Variants in ADAP1 observed in about 807,000 individuals in gnomAD.
ADAP1 encodes the protein arf-GAP with dual PH domain-containing protein 1.
ADAP1 carries 31 observed loss-of-function variants against 54.9 expected under a neutral mutation model. The ratio of observed to expected loss-of-function variants is 0.56; its 90% CI spans 0.42 to 0.76. The LOEUF (loss-of-function observed/expected upper bound fraction) is 0.76. ADAP1 is among the 30% of genes least tolerant of loss of function. The pLI, the probability that ADAP1 is intolerant of heterozygous loss-of-function variation, is 0.00. For synonymous variants in ADAP1, 313 were observed against 202.6 expected, an observed-to-expected ratio of 1.55 and a Z score of -4.63; for missense variants, 535 against 512.4, an observed-to-expected ratio of 1.04 and a Z score of -0.42.
At chr7:924,094 G>C in intron 3 of ADAP1, among the ~76,000 whole-genome samples, 2 of 36,674 alleles carry the variant, frequency 5.5e-5, no homozygotes, top group Non-Finnish European at 5.2e-5. Flanking sequence ...TGCACCCCCC[G>C]CCCTCCGGGT....
At position 909,404 on chromosome 7, in the gene ADAP1, ACAGCAGGCGCCAGCGGGAACCCCGGT is replaced by A. The variant is rs1252010472; in HGVS notation, c.389-4258_389-4233del. ...GCCAGCGGGAACCCCGGTCCTCCCG[ACAGCAGGCGCCAGCGGGAACCCCGGT>A]CCTCCCGACAGCAGGCGCCAGGACG... On this transcript the variant is annotated intron_variant, in intron 4 of 10. Coordinates refer to ENST00000265846, the MANE Select transcript of ADAP1 (RefSeq NM_006869.4). Among the ~76,000 whole-genome samples the A allele has an allele frequency of 6.6e-4, 89 of 135,422 alleles. 4 individuals carry two copies. Among genetic ancestry groups the A allele is most frequent in the African/African-American group, 6.6e-4 (21 of 32,056 alleles). The allele number at this position is 135,422 out of a possible 152,430, so 88.8% of individuals were successfully genotyped here.
intron 3 of ADAP1, among the ~76,000 whole-genome samples, chr7:925,209 G>A (rs569242642): frequency 2.0e-4 from 31 of 152,080 alleles, no homozygotes; most frequent in Non-Finnish European, 5.9e-5. Flanking sequence ...CTCGTGGCCT[G>A]AACACACCTC....
Position 898,656 on chromosome 7 carries a change from C to CTGGGTGAGGAAAGGGGG in ADAP1, c.*264_*265insCCCCCTTTCCTCACCCA, listed in dbSNP as rs1844623154. The stretch of plus-strand genomic sequence containing the variant: ...ACTGGGCCCTGGAGGAAAGGGGGCC[C>CTGGGTGAGGAAAGGGGG]CGGGTCAGGGAGGGGCAGGTTGGCT... On this transcript the variant is annotated 3_prime_UTR_variant, in exon 11 of 11. Transcript: ENST00000265846. 1 of 541,980 alleles carries CTGGGTGAGGAAAGGGGG rather than the reference C, an allele frequency of 1.8e-6. No homozygotes were observed. The highest frequency in any genetic ancestry group is 3.1e-5 in the Admixed American group (1 of 31,774). 33.6% of individuals were successfully genotyped at this position (541,980 alleles called of 1,614,324 possible).
chr7:908,999 C>T (rs947769514), intron 4 of ADAP1, among the ~76,000 whole-genome samples: 4 of 152,080 alleles, frequency 2.6e-5, no homozygotes, highest in Admixed American at 2.0e-4. Context: ...ATGCCCGCCG[C>T]GCCCAGCAGG....
chr7:929,011 C>T (rs573013359), intron 2 of ADAP1, among the ~76,000 whole-genome samples: 40 of 152,302 alleles, frequency 2.6e-4, no homozygotes, highest in African/African-American at 6.3e-4. Flanking sequence ...AGAGGAATGC[C>T]GGCCGGGCGC....
chr7:909,328 T>A (rs11984202), intron 4 of ADAP1, among the ~76,000 whole-genome samples: 4 of 46,250 alleles, frequency 8.6e-5, no homozygotes, highest in Non-Finnish European at 1.1e-4. Context: ...GGAACCCCGG[T>A]CCTCCCGACA....
At chr7:904,701 T>A (rs1420806606) in intron 5 of ADAP1, among the ~76,000 whole-genome samples, 1 of 152,344 alleles carries the variant, frequency 6.6e-6, no homozygotes, top group East Asian at 1.9e-4. Context: ...GTGTTTGTCC[T>A]GTCCCAGTCC....
At chr7:902,716 A>G (rs571442347) in intron 6 of ADAP1, among the ~76,000 whole-genome samples, 1 of 152,144 alleles carries the variant, frequency 6.6e-6, no homozygotes, top group East Asian at 2.0e-4. Flanking sequence ...GACCTCATGG[A>G]AACCAGTAAC....
At position 926,239 on chromosome 7, in the gene ADAP1, C is replaced by A. The variant is rs987580371; in HGVS notation, c.305+314G>T. Among the ~76,000 whole-genome samples the A allele has an allele frequency of 4.0e-5, 6 of 151,664 alleles. No homozygotes were observed. Among genetic ancestry groups the A allele is most frequent in the African/African-American group, 1.5e-4 (6 of 41,278 alleles). On this transcript the variant is annotated intron_variant, in intron 3 of 10. Coordinates refer to ENST00000265846, the MANE Select transcript of ADAP1 (RefSeq NM_006869.4). The surrounding 1 kb of genome is among the most constrained non-coding windows in gnomAD (Gnocchi z 4.6). ...CGCCCCTCCCGTTCCCCTCCCAGAC[C>A]GCCAGGAGCACCTGGGAGGGCCCCT... is the stretch of plus-strand genomic sequence containing the variant.
At chr7:921,768 C>T (rs912014938) in intron 3 of ADAP1, among the ~76,000 whole-genome samples, 1 of 152,230 alleles carries the variant, frequency 6.6e-6, no homozygotes, top group Non-Finnish European at 1.5e-5. Flanking sequence ...CCCAGGGTCA[C>T]ACAGCGGCCT....
At chr7:934,527 A>C (rs1846686225) in intron 2 of ADAP1, among the ~76,000 whole-genome samples, 1 of 152,018 alleles carries the variant, frequency 6.6e-6, no homozygotes, top group African/African-American at 2.4e-5. Flanking sequence ...GGTCCCACTC[A>C]CAGCAGTCAG....
At chr7:904,918 G>A (rs1218930361) in intron 5 of ADAP1, 142 bp downstream of exon 5, 45 of 726,246 alleles carry the variant, frequency 6.2e-5, no homozygotes, top group Non-Finnish European at 6.1e-5. Context: ...CCCAACACAG[G>A]CCGGTTCTCC....
rs1044957230 is a variant in ADAP1 at position 897,906 on chromosome 7, C to G, written c.*1015G>C. On this transcript the variant is annotated 3_prime_UTR_variant, in exon 11 of 11. Coordinates refer to ENST00000265846, the MANE Select transcript of ADAP1 (RefSeq NM_006869.4). ...CCATCCTCGGACACACAGCTGGAAC[C>G]ATGCCAGAGCCACATTTTATTCCAG... is the stretch of plus-strand genomic sequence containing the variant. The G allele has an allele frequency of 6.6e-6, 1 of 152,254 alleles. No individual in the cohort carries two copies. The highest frequency in any genetic ancestry group is 1.5e-5 in the Non-Finnish European group (1 of 68,064). The allele number at this position is 152,254 out of a possible 1,614,324, so 9.4% of individuals were successfully genotyped here.
In ADAP1 at chr7:900,137, G is replaced by C; in HGVS notation, c.760C>G (p.Leu254Val). 6 of 1,613,254 alleles carry C rather than the reference G, an allele frequency of 3.7e-6. No individual in the cohort carries two copies. The highest frequency in any genetic ancestry group is 5.1e-6 in the Non-Finnish European group (6 of 1,179,932). The change falls in exon 8 of 11, where the codon CTG (leucine) becomes GTG (valine). Residue 254 changes from leucine to valine, a missense_variant. Physicochemically the swap from Leu to Val is conservative, Grantham distance 32. Coordinates refer to ENST00000265846, the MANE Select transcript of ADAP1 (RefSeq NM_006869.4). ...GTCTTCTCCATGTAGCCTTCCTTCA[G>C]GTAGTTCCTGGAGAGCTTTGGCACC... ...DLVPKLSRNY[L>V]KEGYMEKTGP...
At chr7:911,329 T>G (rs1330479244) in intron 4 of ADAP1, among the ~76,000 whole-genome samples, 3 of 151,848 alleles carry the variant, frequency 2.0e-5, no homozygotes, top group African/African-American at 7.3e-5. Context: ...GGGTTCACAG[T>G]TTCCACAGCG....
chr7:907,356 CTG>C (rs1845513240), intron 4 of ADAP1, among the ~76,000 whole-genome samples: 1 of 152,136 alleles, frequency 6.6e-6, no homozygotes, highest in South Asian at 2.1e-4. Context: ...GCCGTGGAAA[CTG>C]AGGCCAGAGG....
At position 906,608 on chromosome 7, in the gene ADAP1, GGA is replaced by G. The variant is rs1442072479; in HGVS notation, c.389-1438_389-1437del. On this transcript the variant is annotated intron_variant, in intron 4 of 10. Transcript: ENST00000265846. The stretch of plus-strand genomic sequence containing the variant: ...AAAGGAGAAAGGAGAAGGGAGAAAG[GGA>G]GAAAGGGAAAGGAGAAAGGAGAAAG... Among the ~76,000 whole-genome samples the G allele has an allele frequency of 8.5e-4, 8 of 9,444 alleles. 2 individuals carry two copies. Among genetic ancestry groups the G allele is most frequent in the East Asian group, 7.0e-3 (2 of 284 alleles). 6.2% of individuals were successfully genotyped at this position (9,444 alleles called of 152,430 possible).
At chr7:955,336 C>A, upstream of ADAP1, 1 of 1,550,352 alleles carries the variant, frequency 6.5e-7, no homozygotes, top group Non-Finnish European at 8.7e-7. Flanking sequence ...ACCCCAGCAT[C>A]TTTTCAAATT....
chr7:910,938 G>A (rs888830946), intron 4 of ADAP1, among the ~76,000 whole-genome samples: 1 of 152,194 alleles, frequency 6.6e-6, no homozygotes, highest in African/African-American at 2.4e-5. Flanking sequence ...CGGCAGAGCA[G>A]TGTCTCCTTG....
Sources: gnomAD v4.1 joint callset for allele counts (sites outside exome capture counted in the v4.1 genomes callset) on GRCh38, gnomAD v4.1.1 for gene constraint, Gnocchi (gnomAD v3.1) non-coding constraint, MANE v1.5 for transcripts, NCBI Gene and HGNC (gene_info 2026-07-23, HGNC 2026-07-21) for gene names.